Variants in GOLPH3L observed in about 807,000 individuals in gnomAD.
The protein encoded by GOLPH3L is Golgi phosphoprotein 3-like.
In GOLPH3L, 22 loss-of-function variants were observed where a neutral mutation model predicts 30.3. The ratio of observed to expected loss-of-function variants is 0.73; its 90% confidence interval spans 0.52 to 1.04. The LOEUF (loss-of-function observed/expected upper bound fraction) is 1.04. Ranked by LOEUF, GOLPH3L falls within the 50% of genes least tolerant of loss-of-function variation. GOLPH3L has a pLI of 0.00. For synonymous variants in GOLPH3L, 120 were observed against 128.2 expected (o/e 0.94, Z 0.43); for missense variants, 303 against 345.8 (o/e 0.88, Z 0.98).
At chr1:150,654,344 T>G (rs946367008) in intron 4 of GOLPH3L, among the ~76,000 whole-genome samples, 3 of 151,314 alleles carry the variant, frequency 2.0e-5, no homozygotes, top group Admixed American at 2.0e-4. Flanking sequence ...CTATCTCTAC[T>G]GAAAATACAA....
intron 2 of GOLPH3L, among the ~76,000 whole-genome samples, chr1:150,687,822 C>A (rs1651122317): frequency 6.6e-6 from 1 of 151,964 alleles, no homozygotes; most frequent in African/African-American, 2.4e-5. Context: ...TGACAAGTAC[C>A]AGGAGAATTT....
At chr1:150,668,398 T>C (rs1415933754) in intron 2 of GOLPH3L, among the ~76,000 whole-genome samples, 1 of 152,158 alleles carries the variant, frequency 6.6e-6, no homozygotes, top group Non-Finnish European at 1.5e-5. Context: ...TTGTTTTTGT[T>C]TGGACACAGG....
intron 2 of GOLPH3L, among the ~76,000 whole-genome samples, chr1:150,667,331 G>A (rs891804895): frequency 3.9e-5 from 6 of 152,128 alleles, no homozygotes; most frequent in African/African-American, 1.4e-4. Context: ...GCCAGGGCTA[G>A]AGGACCTCTA....
At chr1:150,668,923 T>C (rs1172427794) in intron 2 of GOLPH3L, among the ~76,000 whole-genome samples, 1 of 152,170 alleles carries the variant, frequency 6.6e-6, no homozygotes, top group African/African-American at 2.4e-5. Flanking sequence ...CTCCTGACCA[T>C]GTAACTTCTG....
intron 4 of GOLPH3L, among the ~76,000 whole-genome samples, chr1:150,652,003 C>G (rs1013688739): frequency 2.0e-5 from 3 of 152,060 alleles, no homozygotes; most frequent in Non-Finnish European, 4.4e-5. Flanking sequence ...CAAAGAGACC[C>G]ATATCCAACA....
At chr1:150,696,559 A>C (rs1052476263) in intron 1 of GOLPH3L, among the ~76,000 whole-genome samples, 8 of 152,186 alleles carry the variant, frequency 5.3e-5, no homozygotes, top group Non-Finnish European at 1.5e-5. Context: ...TAAAATGAAT[A>C]CTCAGAAGTG....
chr1:150,694,618 T>C (rs753606616), intron 2 of GOLPH3L, 38 bp downstream of exon 2: 7 of 1,249,622 alleles, frequency 5.6e-6, no homozygotes, highest in Non-Finnish European at 7.9e-6. Context: ...CAATATTTAA[T>C]AGTCTTTGAG....
intron 4 of GOLPH3L, among the ~76,000 whole-genome samples, chr1:150,658,453 C>T (rs1380922332): frequency 1.3e-5 from 2 of 152,202 alleles, no homozygotes; most frequent in Non-Finnish European, 2.9e-5. Context: ...TGCAGTTACA[C>T]ATGCTTTCTG....
At chr1:150,671,806 CA>C (rs397793655) in intron 2 of GOLPH3L, among the ~76,000 whole-genome samples, 664 of 47,184 alleles carry the variant, frequency 0.014, 1 homozygote, top group African/African-American at 0.054. Flanking sequence ...AACTCCGTCT[CA>C]AAAAAAAAAA....
chr1:150,694,326 TG>T (rs1557791693), intron 2 of GOLPH3L, among the ~76,000 whole-genome samples: 1 of 152,172 alleles, frequency 6.6e-6, no homozygotes, highest in Non-Finnish European at 1.5e-5. Flanking sequence ...CTTCAGTGTG[TG>T]GGCCCTTGTT....
At chr1:150,685,872 G>GTTT in intron 2 of GOLPH3L, among the ~76,000 whole-genome samples, 1 of 105,570 alleles carries the variant, frequency 9.5e-6, no homozygotes, top group Non-Finnish European at 2.0e-5. Flanking sequence ...TTGTAAGTAT[G>GTTT]TCTTTTTTTT....
At chr1:150,651,878 G>A (rs1480238244) in intron 4 of GOLPH3L, among the ~76,000 whole-genome samples, 1 of 151,904 alleles carries the variant, frequency 6.6e-6, no homozygotes, top group African/African-American at 2.4e-5. Flanking sequence ...AAGGAAAGGA[G>A]AGAAAGAGGC....
chr1:150,693,301 G>A (rs906421349), intron 2 of GOLPH3L, among the ~76,000 whole-genome samples: 6 of 152,112 alleles, frequency 3.9e-5, no homozygotes, highest in Admixed American at 2.0e-4. Flanking sequence ...TTTCCAAGTC[G>A]AAGAATTATG....
At chr1:150,688,966 C>T (rs1408413286) in intron 2 of GOLPH3L, among the ~76,000 whole-genome samples, 2 of 152,156 alleles carry the variant, frequency 1.3e-5, no homozygotes, top group South Asian at 2.1e-4. Flanking sequence ...CTCCAACCAT[C>T]CCTATGCCAC....
chr1:150,671,550 TA>T (rs958633902), intron 2 of GOLPH3L, among the ~76,000 whole-genome samples: 1 of 152,022 alleles, frequency 6.6e-6, no homozygotes, highest in African/African-American at 2.4e-5. Flanking sequence ...CTCACGCCTG[TA>T]ATCCCAGCAC....
At chr1:150,685,401 T>A (rs1651057425) in intron 2 of GOLPH3L, among the ~76,000 whole-genome samples, 1 of 152,180 alleles carries the variant, frequency 6.6e-6, no homozygotes, top group African/African-American at 2.4e-5. Context: ...TTTATCTTAA[T>A]AGGAGGCATA....
intron 4 of GOLPH3L, among the ~76,000 whole-genome samples, chr1:150,649,708 C>T (rs1436915558): frequency 1.3e-5 from 2 of 152,124 alleles, no homozygotes; most frequent in African/African-American, 4.8e-5. Context: ...CCCCAGACCA[C>T]ACATAGATCT....
intron 2 of GOLPH3L, among the ~76,000 whole-genome samples, chr1:150,666,502 G>A (rs1318295070): frequency 1.3e-5 from 2 of 151,856 alleles, no homozygotes; most frequent in African/African-American, 2.4e-5. Flanking sequence ...ACCTCACCAC[G>A]CCTGGCTAAT....
rs1487195015 is a variant in GOLPH3L at position 150,648,129 on chromosome 1, A to T, written c.*192T>A. On this transcript the variant is annotated 3_prime_UTR_variant, in exon 5 of 5. Transcript: ENST00000271732. ...TTATTTACCTATGGAGTGGAAGTGT[A>T]GGGAGAAATAAGGTCTGCTTATAAT... 1 of 507,592 alleles carries T rather than the reference A, an allele frequency of 2.0e-6. No homozygotes were observed. Among genetic ancestry groups the T allele is most frequent in the Non-Finnish European group, 3.5e-6 (1 of 288,326 alleles). The allele number at this position is 507,592 out of a possible 1,614,324, so 31.4% of individuals were successfully genotyped here.
Sources: allele counts gnomAD v4.1 joint callset (sites outside exome capture counted in the v4.1 genomes callset), GRCh38; gene constraint gnomAD v4.1.1; transcripts MANE v1.5; gene names NCBI Gene and HGNC (gene_info 2026-07-23, HGNC 2026-07-21).